Variants in KIAA0586 observed in about 807,000 individuals in gnomAD.
The protein encoded by KIAA0586 is protein TALPID3.
KIAA0586 carries 144 observed loss-of-function variants against 169.8 expected under a neutral mutation model. That is an observed-to-expected ratio of 0.85 (90% CI 0.74 to 0.97). The LOEUF is 0.97. KIAA0586 is among the 50% of genes least tolerant of loss of function. The pLI, the probability that KIAA0586 is intolerant of heterozygous loss-of-function variation, is 0.00. For missense variants in KIAA0586, 1,854 were observed against 1,823.0 expected, an observed-to-expected ratio of 1.02 and a Z score of -0.31; for synonymous variants, 625 against 612.4, an observed-to-expected ratio of 1.02 and a Z score of -0.30.
At chr14:58,509,302 A>C (rs1033170331) in intron 28 of KIAA0586, among the ~76,000 whole-genome samples, 1 of 152,208 alleles carries the variant, frequency 6.6e-6, no homozygotes, top group African/African-American at 2.4e-5. Context: ...CTGTATCTGC[A>C]TGCAATACCT....
intron 30 of KIAA0586, among the ~76,000 whole-genome samples, chr14:58,543,000 C>T (rs1324752596): frequency 5.3e-5 from 8 of 151,844 alleles, no homozygotes; most frequent in South Asian, 2.1e-4. Context: ...TGGTGGCGGG[C>T]GCCTTTAGTC....
intron 28 of KIAA0586, among the ~76,000 whole-genome samples, chr14:58,509,428 T>TG (rs1176509983): frequency 2.6e-5 from 4 of 152,154 alleles, no homozygotes; most frequent in African/African-American, 9.7e-5. Context: ...GGTAAGCCAA[T>TG]GGCCCATGCA....
At chr14:58,559,595 G>A in the KIAA0586 span, among the ~76,000 whole-genome samples, 1 of 152,168 alleles carries the variant, frequency 6.6e-6, no homozygotes, top group Non-Finnish European at 1.5e-5. Context: ...TGGAATAGAA[G>A]CACATTTTCA....
intron 27 of KIAA0586, among the ~76,000 whole-genome samples, chr14:58,504,908 G>A (rs1595409805): frequency 6.6e-6 from 1 of 152,262 alleles, no homozygotes; most frequent in Admixed American, 6.5e-5. Context: ...TCATGTGAGG[G>A]TACGGACTTT....
chr14:58,497,068 G>A (rs964910219), intron 26 of KIAA0586, among the ~76,000 whole-genome samples: 1 of 151,300 alleles, frequency 6.6e-6, no homozygotes, highest in South Asian at 2.1e-4. Context: ...TCCACCTCCT[G>A]GGTTCAAGTG....
chr14:58,542,137 A>G (rs1215316336), intron 30 of KIAA0586, among the ~76,000 whole-genome samples: 2 of 152,140 alleles, frequency 1.3e-5, no homozygotes, highest in African/African-American at 2.4e-5. Context: ...GAGTTCTCTT[A>G]CAAAGTTCTA....
At chr14:58,452,806 C>T (rs994217972) in intron 8 of KIAA0586, among the ~76,000 whole-genome samples, 3 of 152,126 alleles carry the variant, frequency 2.0e-5, no homozygotes, top group Non-Finnish European at 4.4e-5. Flanking sequence ...GCTGGGATTG[C>T]AGGCATGAGC....
rs1595474786 is a variant in KIAA0586 at position 58,521,884 on chromosome 14, A to G, written c.4429+9257A>G. 4 of 1,242,658 alleles carry G rather than the reference A, an allele frequency of 3.2e-6. No homozygotes were observed. In the East Asian group the frequency reaches 7.0e-5, roughly 22 times the overall value. The allele number at this position is 1,242,658 out of a possible 1,614,324, so 77.0% of individuals were successfully genotyped here. ...GAGGAGGACCTACTAGATGATGATGACAATGAAGATGGGGGATGACCAGCT... is the reference window on the plus strand; with the variant it reads ...GAGGAGGACCTACTAGATGATGATGGCAATGAAGATGGGGGATGACCAGCT... On this transcript the variant is annotated intron_variant, in intron 29 of 30. Coordinates refer to ENST00000652326, the MANE Select transcript of KIAA0586 (RefSeq NM_001329943.3).
At chr14:58,477,298 C>T (rs1278006552) in intron 20 of KIAA0586, 57 bp downstream of exon 20, 13 of 908,004 alleles carry the variant, frequency 1.4e-5, no homozygotes, top group Admixed American at 2.1e-5. Flanking sequence ...TTTAGTTCAT[C>T]GTGGATTTAT....
chr14:58,429,873 T>C (rs2037215670), intron 2 of KIAA0586, among the ~76,000 whole-genome samples: 1 of 152,202 alleles, frequency 6.6e-6, no homozygotes, highest in Non-Finnish European at 1.5e-5. Context: ...AACATGAAAT[T>C]ATCATCTTAA....
chr14:58,461,048 G>A lies in KIAA0586; in HGVS notation c.1947G>A (p.Lys649=). 6.2e-7 allele frequency: 1 copy of A among 1,612,144 alleles called. No homozygotes were observed. The highest frequency in any genetic ancestry group is 1.1e-5 in the South Asian group (1 of 90,832). The part of the protein sequence containing the change: ...DEDYMLQVYG[K]PVYQGHRSTL... ...ATTATATGTTACAAGTCTATGGAAAGCCAGTTTATCAGGGCCATCGAAGCA... is the reference window on the plus strand; with the variant it reads ...ATTATATGTTACAAGTCTATGGAAAACCAGTTTATCAGGGCCATCGAAGCA... The change falls in exon 14 of 31, where the codon AAG becomes AAA. Residue 649 remains lysine, a synonymous_variant. Coordinates refer to ENST00000652326, the MANE Select transcript of KIAA0586 (RefSeq NM_001329943.3).
At chr14:58,480,643 C>T (rs1161847816) in intron 20 of KIAA0586, among the ~76,000 whole-genome samples, 1 of 152,174 alleles carries the variant, frequency 6.6e-6, no homozygotes. Context: ...AGCACCCAAT[C>T]TCTAAAGCCT....
At position 58,488,683 on chromosome 14, in the gene KIAA0586, C is replaced by T. The variant is rs1230840421; in HGVS notation, c.3590C>T (p.Pro1197Leu). 1.2e-6 allele frequency: 2 copies of T among 1,613,758 alleles called. No individual in the cohort carries two copies. Among genetic ancestry groups the T allele is most frequent in the African/African-American group, 2.7e-5 (2 of 74,912 alleles). The change falls in exon 24 of 31, where the codon CCT becomes CTT. Residue 1197 changes from proline to leucine, a missense_variant. Coordinates refer to ENST00000652326, the MANE Select transcript of KIAA0586 (RefSeq NM_001329943.3). ...ESMDFPAQPPPPEPVPFMPFP... is the reference protein window; with the variant it reads ...ESMDFPAQPPLPEPVPFMPFP... The stretch of plus-strand genomic sequence containing the variant: ...ATGGATTTCCCTGCTCAGCCTCCAC[C>T]TCCAGAGCCAGTTCCCTTTATGCCA...
At chr14:58,560,010 G>A in the KIAA0586 span, among the ~76,000 whole-genome samples, 1,396 of 152,254 alleles carry the variant, frequency 9.2e-3, 26 homozygotes, top group African/African-American at 0.031. Flanking sequence ...AATTAGCTGA[G>A]CATGATGGCA....
At chr14:58,430,188 G>A (rs1351892541) in intron 2 of KIAA0586, among the ~76,000 whole-genome samples, 1 of 150,912 alleles carries the variant, frequency 6.6e-6, no homozygotes, top group Non-Finnish European at 1.5e-5. Flanking sequence ...TTTTAAGCAG[G>A]CCTTATTTAA....
At chr14:58,490,349 T>C (rs2042757253) in intron 25 of KIAA0586, 109 bp downstream of exon 25, 1 of 488,190 alleles carries the variant, frequency 2.0e-6, no homozygotes, top group Admixed American at 4.2e-5. Flanking sequence ...AGACACAAAA[T>C]TTAGTAAAAT....
chr14:58,542,006 ATGG>A (rs1347015082), intron 30 of KIAA0586, among the ~76,000 whole-genome samples: 15 of 152,204 alleles, frequency 9.9e-5, no homozygotes, highest in Non-Finnish European at 2.1e-4. Context: ...ATTTGCTTTC[ATGG>A]TGATTTATTA....
intron 29 of KIAA0586, among the ~76,000 whole-genome samples, chr14:58,523,827 G>A (rs775848033): frequency 6.6e-6 from 1 of 151,854 alleles, no homozygotes; most frequent in Non-Finnish European, 1.5e-5. Context: ...GCCTCCGTAA[G>A]TGCTGGGATT....
At chr14:58,484,902 A>ATTTTTATATATATTTT (rs1269889812) in intron 21 of KIAA0586, among the ~76,000 whole-genome samples, 2 of 12,484 alleles carry the variant, frequency 1.6e-4, no homozygotes. Flanking sequence ...ATATATATAT[A>ATTTTTATATATATTTT]TATATATATA....
Sources: allele counts gnomAD v4.1 joint callset (sites outside exome capture counted in the v4.1 genomes callset), GRCh38; gene constraint gnomAD v4.1.1; transcripts MANE v1.5; gene names NCBI Gene and HGNC (gene_info 2026-07-23, HGNC 2026-07-21).